The following ZSWIM3 variants were observed in gnomAD, a reference collection of about 807,000 sequenced individuals.
ZSWIM3 encodes the protein zinc finger SWIM domain-containing protein 3.
A neutral mutation model predicts 47.5 loss-of-function variants in ZSWIM3; 27 were observed. The observed-to-expected ratio is 0.57, with a 90% CI of 0.42 to 0.78. The LOEUF is 0.78. ZSWIM3 is among the 30% of genes least tolerant of loss of function. The pLI, the probability that ZSWIM3 is intolerant of heterozygous loss-of-function variation, is 0.00. For missense variants in ZSWIM3, 689 were observed against 861.3 expected, an observed-to-expected ratio of 0.80 and a Z score of 2.50; for synonymous variants, 333 against 333.9, an observed-to-expected ratio of 1.00 and a Z score of 0.03.
intron 1 of ZSWIM3, among the ~76,000 whole-genome samples, chr20:45,863,541 T>C (rs1480293922): frequency 2.6e-5 from 4 of 152,248 alleles, no homozygotes; most frequent in Admixed American, 2.0e-4. Context: ...CTGACCTGGT[T>C]CTCTGAATAA....
At chr20:45,865,764 G>C (rs910967936) in intron 1 of ZSWIM3, among the ~76,000 whole-genome samples, 3 of 151,964 alleles carry the variant, frequency 2.0e-5, no homozygotes, top group Admixed American at 6.6e-5. Context: ...TTGAGAGGCC[G>C]AGGCGGGCAG....
chr20:45,858,223 A>G (rs1311156208), intron 1 of ZSWIM3, among the ~76,000 whole-genome samples: 1 of 152,244 alleles, frequency 6.6e-6, no homozygotes, highest in African/African-American at 2.4e-5. Context: ...TTATAACTGC[A>G]GTTTCTCCCA....
At position 45,878,382 on chromosome 20, in the gene ZSWIM3, C is replaced by A. The variant is rs560824324; in HGVS notation, c.1824C>A (p.Gly608=). The A allele has an allele frequency of 1.2e-6, 2 of 1,614,222 alleles. No individual in the cohort carries two copies. The highest frequency in any genetic ancestry group is 3.3e-5 in the Admixed American group (2 of 60,022). ...LQDRGMVPNT[G]QPEKQGRNDM... ...ATCGTGGTATGGTCCCAAACACAGG[C>A]CAGCCTGAGAAGCAAGGACGGAACG... Residue 608 remains glycine, a synonymous_variant, in exon 2 of 2, where the codon GGC becomes GGA. Transcript: ENST00000255152.
intron 1 of ZSWIM3, among the ~76,000 whole-genome samples, chr20:45,870,046 G>GAAAAAAAAAAAAAAAAAAA (rs771712120): frequency 1.9e-5 from 1 of 53,730 alleles, no homozygotes; most frequent in Non-Finnish European, 4.1e-5. Flanking sequence ...TCCGTCTCAA[G>GAAAAAAAAAAAAAAAAAAA]AAAAAAAAAA....
At chr20:45,870,876 G>T (rs1985959895) in intron 1 of ZSWIM3, among the ~76,000 whole-genome samples, 1 of 151,882 alleles carries the variant, frequency 6.6e-6, no homozygotes, top group South Asian at 2.1e-4. Flanking sequence ...TGTATTTTTA[G>T]TAGAGATGGA....
intron 1 of ZSWIM3, among the ~76,000 whole-genome samples, chr20:45,867,412 C>CT (rs554656325): frequency 6.6e-6 from 1 of 152,110 alleles, no homozygotes; most frequent in Non-Finnish European, 1.5e-5. Flanking sequence ...GGATTTTGAC[C>CT]TTTTTTGTGA....
chr20:45,867,296 C>A (rs183862802), intron 1 of ZSWIM3, among the ~76,000 whole-genome samples: 1 of 151,984 alleles, frequency 6.6e-6, no homozygotes, highest in Admixed American at 6.6e-5. Flanking sequence ...TGTGAGCCAC[C>A]GCACCTGGCC....
chr20:45,872,244 A>G (rs1250922228), intron 1 of ZSWIM3, among the ~76,000 whole-genome samples: 1 of 152,248 alleles, frequency 6.6e-6, no homozygotes. Flanking sequence ...GTAGGGGAGA[A>G]CTAAAAGACT....
Position 45,877,900 on chromosome 20 carries a change from A to C in ZSWIM3, c.1342A>C (p.Ser448Arg), listed in dbSNP as rs568487582. Residue 448 changes from serine (S) to arginine (R), a missense_variant, in exon 2 of 2, where the codon AGC (serine) becomes CGC (arginine). By Grantham distance (110) the Ser-to-Arg change is moderately radical. Transcript: ENST00000255152. ...CAAATTAAAGAGAGCTCGGCCGGCAAGCATGCCACTGAAGTCCAAGAAGGC... is the reference window on the plus strand; with the variant it reads ...CAAATTAAAGAGAGCTCGGCCGGCACGCATGCCACTGAAGTCCAAGAAGGC... ...PPKLKRARPA[S>R]MPLKSKKAFG... The C allele has an allele frequency of 1.2e-6, 2 of 1,614,074 alleles. No homozygotes were observed. The highest frequency in any genetic ancestry group is 1.7e-5 in the Admixed American group (1 of 60,004).
At chr20:45,872,566 G>A (rs1273465122) in intron 1 of ZSWIM3, 10 of 485,806 alleles carry the variant, frequency 2.1e-5, no homozygotes, top group Non-Finnish European at 3.0e-5. Flanking sequence ...CAAGGCTTGC[G>A]AGGAGGGAAG....
chr20:45,865,280 T>C (rs909051192), intron 1 of ZSWIM3, among the ~76,000 whole-genome samples: 2 of 148,876 alleles, frequency 1.3e-5, no homozygotes, highest in African/African-American at 2.5e-5. Flanking sequence ...GATCATGTCA[T>C]TGCACTCCAG....
intron 1 of ZSWIM3, among the ~76,000 whole-genome samples, chr20:45,860,237 G>A (rs117724140): frequency 2.0e-4 from 31 of 152,200 alleles, no homozygotes; most frequent in Admixed American, 8.5e-4. Flanking sequence ...ATTTCCCGCC[G>A]GGTGCAGTGG....
intron 1 of ZSWIM3, among the ~76,000 whole-genome samples, chr20:45,858,273 G>A (rs1036638627): frequency 2.0e-5 from 3 of 152,236 alleles, no homozygotes; most frequent in Non-Finnish European, 2.9e-5. Flanking sequence ...ACAAAGTATG[G>A]CTTTCATAAA....
chr20:45,860,435 C>T (rs1369232450), intron 1 of ZSWIM3, among the ~76,000 whole-genome samples: 1 of 143,672 alleles, frequency 7.0e-6, no homozygotes, highest in Non-Finnish European at 1.5e-5. Context: ...GAATTGCAGC[C>T]GGGAGGTGGA....
intron 1 of ZSWIM3, among the ~76,000 whole-genome samples, chr20:45,867,070 T>C (rs2145788354): frequency 6.9e-6 from 1 of 145,808 alleles, no homozygotes; most frequent in South Asian, 2.2e-4. Context: ...GCAGTGACGC[T>C]ATCTCTGCTC....
intron 1 of ZSWIM3, among the ~76,000 whole-genome samples, chr20:45,865,456 C>T (rs1985815445): frequency 6.6e-6 from 1 of 151,816 alleles, no homozygotes; most frequent in Non-Finnish European, 1.5e-5. Context: ...CCACTGTACT[C>T]CAGCCTGGGT....
At chr20:45,863,509 A>G (rs1985761396) in intron 1 of ZSWIM3, among the ~76,000 whole-genome samples, 1 of 152,204 alleles carries the variant, frequency 6.6e-6, no homozygotes, top group African/African-American at 2.4e-5. Flanking sequence ...GATACTTTAC[A>G]AAGCACATTC....
At chr20:45,870,271 C>T (rs1272020989) in intron 1 of ZSWIM3, among the ~76,000 whole-genome samples, 1 of 151,362 alleles carries the variant, frequency 6.6e-6, no homozygotes, top group Non-Finnish European at 1.5e-5. Context: ...ACCCGGGAGG[C>T]GGAGGTTGCA....
At chr20:45,859,437 A>G (rs74842000) in intron 1 of ZSWIM3, among the ~76,000 whole-genome samples, 2 of 110,584 alleles carry the variant, frequency 1.8e-5, no homozygotes, top group South Asian at 6.2e-4. Flanking sequence ...AAAAAAAAAA[A>G]AAAGAAATGT....
Sources: gnomAD v4.1 joint callset for allele counts (sites outside exome capture counted in the v4.1 genomes callset) on GRCh38, gnomAD v4.1.1 for gene constraint, MANE v1.5 for transcripts, NCBI Gene and HGNC (gene_info 2026-07-23, HGNC 2026-07-21) for gene names.